Variants in SLC9A7 observed in about 807,000 individuals in gnomAD.
SLC9A7 encodes solute carrier family 9 member A7.
In SLC9A7, 19 loss-of-function variants were observed where a neutral mutation model predicts 52.6. The ratio of observed to expected loss-of-function variants is 0.36; its 90% confidence interval spans 0.25 to 0.53. The LOEUF is 0.53. Among genes scored for constraint, SLC9A7 ranks in the 20% least tolerant of loss-of-function variants. The pLI, the probability that SLC9A7 is intolerant of heterozygous loss-of-function variation, is 0.91. For synonymous variants in SLC9A7, 226 were observed against 252.1 expected (o/e 0.90, Z 0.98); for missense variants, 455 against 597.9 (o/e 0.76, Z 2.49).
At chrX:46,757,428 G>T (rs1922752388) in intron 1 of SLC9A7, among the ~76,000 whole-genome samples, 1 of 112,584 alleles carries the variant, frequency 8.9e-6, no homozygotes, top group Non-Finnish European at 1.9e-5. Context: ...TACACGGTTT[G>T]GCTGCGAGGG....
chrX:46,624,092 C>T (rs1943085420), intron 14 of SLC9A7, among the ~76,000 whole-genome samples: 1 of 112,806 alleles, frequency 8.9e-6, no homozygotes, highest in Non-Finnish European at 1.9e-5. Context: ...GCGCCACATA[C>T]TCCCATCCCC....
intron 14 of SLC9A7, among the ~76,000 whole-genome samples, chrX:46,630,595 T>C (rs1943205639): frequency 8.9e-6 from 1 of 111,793 alleles, no homozygotes; most frequent in South Asian, 3.7e-4. Context: ...TTCCCCACCT[T>C]GCCTGCCCAG....
intron 15 of SLC9A7, among the ~76,000 whole-genome samples, chrX:46,613,750 C>T (rs1031424772): frequency 2.7e-5 from 3 of 111,942 alleles, no homozygotes; most frequent in Non-Finnish European, 5.6e-5. Flanking sequence ...GCCTTGGAAA[C>T]AGGAGATAGT....
intron 5 of SLC9A7, among the ~76,000 whole-genome samples, chrX:46,665,557 CAAAAAAA>C (rs754854403): frequency 1.8e-4 from 4 of 21,786 alleles, no homozygotes; most frequent in East Asian, 1.7e-3. Flanking sequence ...GACTCCATCT[CAAAAAAA>C]AAAAAAAAAA....
intron 2 of SLC9A7, among the ~76,000 whole-genome samples, chrX:46,681,361 C>T (rs1944207172): frequency 8.9e-6 from 1 of 112,110 alleles, no homozygotes; most frequent in Admixed American, 9.5e-5. Context: ...CTCAGTTGCG[C>T]TGAATTTCAG....
At chrX:46,704,941 C>T (rs950274287) in intron 1 of SLC9A7, among the ~76,000 whole-genome samples, 3 of 111,882 alleles carry the variant, frequency 2.7e-5, no homozygotes, top group South Asian at 3.7e-4. Context: ...CATAAAAAGG[C>T]GACATAGCAG....
chrX:46,694,897 G>A (rs1031431406), intron 1 of SLC9A7, among the ~76,000 whole-genome samples: 7 of 112,181 alleles, frequency 6.2e-5, no homozygotes, highest in African/African-American at 1.6e-4. Flanking sequence ...AAAAAGGAAC[G>A]AACTTGATAC....
In SLC9A7 at chrX:46,643,374, A is replaced by G; in HGVS notation, c.1478T>C (p.Met493Thr). 8.3e-7 allele frequency: 1 copy of G among 1,209,908 alleles called. No homozygotes were observed. The highest frequency in any genetic ancestry group is 1.1e-6 in the Non-Finnish European group (1 of 894,166). ...GTCACGGATGGCCAACGCAAATGCC[A>G]TTGCTCCCCTGAGGCCTGCGGGGAC... ...MMMFSGLRGAMAFALAIRDTA... is the reference protein window; with the variant it reads ...MMMFSGLRGATAFALAIRDTA... The change falls in exon 12 of 17, where the codon ATG becomes ACG. Residue 493 changes from methionine to threonine, a missense_variant. By Grantham distance (81) the Met-to-Thr change is moderately conservative. This residue lies in a region of SLC9A7 where 304 missense variants were observed against 417.8 expected (regional missense o/e 0.73). Coordinates refer to ENST00000616978, the MANE Select transcript of SLC9A7 (RefSeq NM_001257291.2).
rs146808441 is a variant in SLC9A7 at position 46,607,082 on chromosome X, G to A, written c.2051C>T (p.Thr684Met). Residue 684 changes from threonine to methionine, a missense_variant, in exon 17 of 17, where the codon ACG becomes ATG. Transcript: ENST00000616978. ...NGSSSSHTAS[T>M]SLEGSRRTKS... is the part of the protein sequence containing the mutation. ...CGTTCTCCGGCTGCCCTCCAGACTC[G>A]TGGAGGCGGTGTGCGAACTTGAGGA... 6.2e-5 allele frequency: 75 copies of A among 1,209,496 alleles called. No homozygotes were observed. Among genetic ancestry groups the A allele is most frequent in the Non-Finnish European group, 7.6e-5 (68 of 895,049 alleles).
Position 46,599,540 on chromosome X carries a change from A to AAAT in SLC9A7, c.*7409_*7411dup, listed in dbSNP as rs1942627611. 8.9e-6 allele frequency: 1 copy of AAAT among 112,085 alleles called. No homozygotes were observed. Among genetic ancestry groups the AAAT allele is most frequent in the Non-Finnish European group, 1.9e-5 (1 of 53,251 alleles). 9.2% of individuals were successfully genotyped at this position (112,085 alleles called of 1,213,427 possible). Reference sequence around the variant, plus strand: ...AAGAAAAGCTTTGAGAAAATGTGTTAAATATCAGTAAAGGGCAGGAACACA... The same window carrying AAAT: ...AAGAAAAGCTTTGAGAAAATGTGTTAAATAATATCAGTAAAGGGCAGGAACACA... On this transcript the variant is annotated 3_prime_UTR_variant, in exon 17 of 17. Transcript: ENST00000616978.
chrX:46,712,834 T>C (rs1379007285), intron 1 of SLC9A7, among the ~76,000 whole-genome samples: 1 of 112,268 alleles, frequency 8.9e-6, no homozygotes, highest in East Asian at 2.8e-4. Flanking sequence ...AAATGTTAAA[T>C]TAGTCAAATG....
At chrX:46,724,129 CAATT>C (rs1269320991) in intron 1 of SLC9A7, among the ~76,000 whole-genome samples, 1 of 110,698 alleles carries the variant, frequency 9.0e-6, no homozygotes, top group Non-Finnish European at 1.9e-5. Context: ...ATTTTAAAAA[CAATT>C]AATTCCACTT....
At chrX:46,709,564 AAACT>A (rs1253545361) in intron 1 of SLC9A7, among the ~76,000 whole-genome samples, 2 of 111,578 alleles carry the variant, frequency 1.8e-5, no homozygotes, top group African/African-American at 6.5e-5. Context: ...CCCATTACCT[AAACT>A]AACAAAAAAA....
chrX:46,753,615 T>C (rs1922393993), intron 1 of SLC9A7, among the ~76,000 whole-genome samples: 1 of 112,080 alleles, frequency 8.9e-6, no homozygotes, highest in Non-Finnish European at 1.9e-5. Flanking sequence ...TATTGCTGTC[T>C]ATATATTGCA....
chrX:46,700,094 C>G (rs1176469055), intron 1 of SLC9A7, among the ~76,000 whole-genome samples: 1 of 107,989 alleles, frequency 9.3e-6, no homozygotes, highest in Non-Finnish European at 1.9e-5. Context: ...GACAGCGAAA[C>G]CTTGTCTCAA....
intron 1 of SLC9A7, among the ~76,000 whole-genome samples, chrX:46,745,509 T>C (rs1246811361): frequency 9.0e-6 from 1 of 111,688 alleles, no homozygotes; most frequent in African/African-American, 3.3e-5. Context: ...GCTGAGACAC[T>C]GGATATATGA....
Position 46,641,276 on chromosome X carries a change from A to G in SLC9A7, c.1616+1960T>C, listed in dbSNP as rs770443590. ...CAAACTTGATACATGAACAACCTACATGGATCTCCAAGGCAGTTACAACAG... is the reference window on the plus strand; with the variant it reads ...CAAACTTGATACATGAACAACCTACGTGGATCTCCAAGGCAGTTACAACAG... On this transcript the variant is annotated intron_variant, in intron 12 of 16. Coordinates refer to ENST00000616978, the MANE Select transcript of SLC9A7 (RefSeq NM_001257291.2). Among the ~76,000 whole-genome samples the G allele has an allele frequency of 3.5e-4, 39 of 111,825 alleles. 1 individual carries two copies. Among genetic ancestry groups the G allele is most frequent in the Non-Finnish European group, 5.5e-4 (29 of 53,182 alleles).
intron 11 of SLC9A7, among the ~76,000 whole-genome samples, chrX:46,648,317 C>G (rs1308320372): frequency 8.9e-6 from 1 of 112,000 alleles, no homozygotes; most frequent in African/African-American, 3.3e-5. Context: ...GGCCAGTGGT[C>G]TTTCTCATCA....
intron 10 of SLC9A7, among the ~76,000 whole-genome samples, chrX:46,649,870 C>G (rs1165329047): frequency 8.9e-6 from 1 of 112,739 alleles, no homozygotes; most frequent in African/African-American, 3.2e-5. Context: ...TTGGCCTCTG[C>G]CAGGCCCTCA....
Sources: gnomAD v4.1 joint callset for allele counts (sites outside exome capture counted in the v4.1 genomes callset) on GRCh38, gnomAD v4.1.1 for gene constraint, gnomAD v4.1.1 regional missense constraint, MANE v1.5 for transcripts, NCBI Gene and HGNC (gene_info 2026-07-23, HGNC 2026-07-21) for gene names.